The following NTRK2 variants were observed in gnomAD, a reference collection of about 807,000 sequenced individuals.
NTRK2 encodes neurotrophic receptor tyrosine kinase 2.
NTRK2 carries 13 observed loss-of-function variants against 94.5 expected under a neutral mutation model. That is an observed-to-expected ratio of 0.14 (90% CI 0.09 to 0.22). The LOEUF (loss-of-function observed/expected upper bound fraction) is 0.22. NTRK2 is among the 10% of genes least tolerant of loss of function. The pLI, the probability that NTRK2 is intolerant of heterozygous loss-of-function variation, is 1.00. For missense variants in NTRK2, 639 were observed against 1,071.2 expected (o/e 0.60, Z 5.63); for synonymous variants, 372 against 407.4 (o/e 0.91, Z 1.05).
chr9:85,006,620 A>T (rs1275730534), intron 17 of NTRK2, among the ~76,000 whole-genome samples: 1 of 149,816 alleles, frequency 6.7e-6, no homozygotes, highest in East Asian at 1.9e-4. Context: ...CCCTGGGGAC[A>T]GGGCACCCAG....
intron 17 of NTRK2, among the ~76,000 whole-genome samples, chr9:85,019,544 G>T (rs1288779458): frequency 6.6e-6 from 1 of 152,124 alleles, no homozygotes; most frequent in African/African-American, 2.4e-5. Flanking sequence ...ATTAAAATGG[G>T]CATTTAAAAA....
At chr9:84,975,394 A>G (rs1826711098) in intron 17 of NTRK2, among the ~76,000 whole-genome samples, 3 of 152,226 alleles carry the variant, frequency 2.0e-5, no homozygotes, top group Non-Finnish European at 4.4e-5. Context: ...ACAGAAATGG[A>G]ATCAGAGATT....
intron 13 of NTRK2, among the ~76,000 whole-genome samples, chr9:84,862,463 A>G (rs1307375570): frequency 4.1e-4 from 62 of 152,138 alleles, no homozygotes; most frequent in Non-Finnish European, 2.2e-4. Context: ...TTCCAAGCCA[A>G]TTTGCACTGC....
Sources: allele counts gnomAD v4.1 joint callset (sites outside exome capture counted in the v4.1 genomes callset), GRCh38; gene constraint gnomAD v4.1.1; transcripts MANE v1.5; gene names NCBI Gene and HGNC (gene_info 2026-07-23, HGNC 2026-07-21).